TAFA1: variants seen among roughly 807,000 people sequenced by gnomAD.
TAFA1 encodes chemokine-like protein TAFA-1.
TAFA1 carries 4 observed loss-of-function variants against 18.5 expected under a neutral mutation model. The ratio of observed to expected loss-of-function variants is 0.22; its 90% CI spans 0.11 to 0.49. The LOEUF (loss-of-function observed/expected upper bound fraction) is 0.49. Among genes scored for constraint, TAFA1 ranks in the 20% least tolerant of loss-of-function variants. The probability of loss-of-function intolerance (pLI) is 0.98; values close to 1 mark genes in which losing one functional copy is unlikely to be tolerated. For missense variants in TAFA1, 147 were observed against 169.0 expected, an observed-to-expected ratio of 0.87 and a Z score of 0.72; for synonymous variants, 56 against 55.2, an observed-to-expected ratio of 1.01 and a Z score of -0.06.
At chr3:68,335,422 A>G (rs1367952349) in intron 2 of TAFA1, among the ~76,000 whole-genome samples, 2 of 151,692 alleles carry the variant, frequency 1.3e-5, no homozygotes, top group East Asian at 2.1e-4. Flanking sequence ...TGAGTTATCC[A>G]TACAGAGATC....
chr3:68,100,134 ATCCC>A, intron 2 of TAFA1, among the ~76,000 whole-genome samples: 1 of 152,062 alleles, frequency 6.6e-6, no homozygotes, highest in African/African-American at 2.4e-5. Context: ...TCCACGTACA[ATCCC>A]TGAATATAAA....
chr3:68,096,893 T>C (rs1199387219), intron 2 of TAFA1, among the ~76,000 whole-genome samples: 2 of 152,060 alleles, frequency 1.3e-5, no homozygotes, highest in East Asian at 3.9e-4. Flanking sequence ...TGGAAAGCAA[T>C]CAGATAGATT....
chr3:68,363,132 C>G (rs2069501380), intron 2 of TAFA1, among the ~76,000 whole-genome samples: 2 of 152,058 alleles, frequency 1.3e-5, no homozygotes, highest in South Asian at 4.1e-4. Flanking sequence ...TCCACTCAAT[C>G]CTTGGCTCAT....
At chr3:68,037,018 G>A (rs1282317235) in intron 2 of TAFA1, among the ~76,000 whole-genome samples, 2 of 152,142 alleles carry the variant, frequency 1.3e-5, no homozygotes, top group Non-Finnish European at 2.9e-5. Flanking sequence ...ACAAATACGT[G>A]ATTGTTAGCT....
intron 2 of TAFA1, among the ~76,000 whole-genome samples, chr3:68,360,540 T>C (rs1385857728): frequency 1.3e-5 from 2 of 151,946 alleles, no homozygotes; most frequent in East Asian, 1.9e-4. Context: ...TCGGTGGTTA[T>C]GTCATTTAGT....
intron 3 of TAFA1, among the ~76,000 whole-genome samples, chr3:68,532,872 G>C (rs1041134739): frequency 7.1e-6 from 1 of 140,388 alleles, no homozygotes; most frequent in African/African-American, 2.6e-5. Context: ...ATGTAGCTTT[G>C]TAAAGCAAAA....
chr3:68,529,387 C>T (rs1057490185), intron 3 of TAFA1, among the ~76,000 whole-genome samples: 4 of 143,256 alleles, frequency 2.8e-5, no homozygotes, highest in African/African-American at 1.0e-4. Context: ...CCTACCTACC[C>T]TTTAATCATA....
chr3:68,000,041 G>A (rs1429706130), upstream of TAFA1, among the ~76,000 whole-genome samples: 1 of 152,066 alleles, frequency 6.6e-6, no homozygotes, highest in Middle Eastern at 3.4e-3. Flanking sequence ...TGCCCGCCTC[G>A]GCCTCCCAAA....
At chr3:68,359,339 T>A (rs1559632560) in intron 2 of TAFA1, among the ~76,000 whole-genome samples, 1 of 152,004 alleles carries the variant, frequency 6.6e-6, no homozygotes, top group Non-Finnish European at 1.5e-5. Flanking sequence ...CCTATGAATA[T>A]GTTACCCTAC....
chr3:68,330,398 T>C (rs1575782017), intron 2 of TAFA1, among the ~76,000 whole-genome samples: 2 of 152,346 alleles, frequency 1.3e-5, no homozygotes, highest in South Asian at 4.1e-4. Context: ...GATTACTTAC[T>C]GTGTGGATTA....
At chr3:68,215,247 A>C (rs2066642746) in intron 2 of TAFA1, among the ~76,000 whole-genome samples, 1 of 152,076 alleles carries the variant, frequency 6.6e-6, no homozygotes, top group Non-Finnish European at 1.5e-5. Flanking sequence ...CTTCACACTA[A>C]GCAGTGTGGT....
In TAFA1 at chr3:68,220,864, G is replaced by T. The variant is rs529161049; in HGVS notation, c.119-196416G>T. ...TCTCTTTCAGCATCCCTCGGTGCAT[G>T]GTTCTCCCTATCAGACTCATCCTCA... is the stretch of plus-strand genomic sequence containing the variant. On this transcript the variant is annotated intron_variant, in intron 2 of 4. Transcript: ENST00000478136. 2.7e-5 allele frequency among the ~76,000 whole-genome samples: 4 copies of T among 150,826 alleles called. No individual in the cohort carries two copies. In the South Asian group the frequency reaches 8.4e-4, roughly 32 times the overall value.
intron 2 of TAFA1, among the ~76,000 whole-genome samples, chr3:68,369,954 T>C (rs946616654): frequency 2.0e-5 from 3 of 151,978 alleles, no homozygotes; most frequent in Non-Finnish European, 2.9e-5. Flanking sequence ...AATGCCGAAA[T>C]GTATATTTGT....
At chr3:68,268,406 T>C (rs988147268) in intron 2 of TAFA1, among the ~76,000 whole-genome samples, 9 of 152,032 alleles carry the variant, frequency 5.9e-5, no homozygotes, top group African/African-American at 2.2e-4. Context: ...CTCAACTCAT[T>C]GTGGGTGTGG....
At chr3:68,262,308 T>C (rs1329342046) in intron 2 of TAFA1, among the ~76,000 whole-genome samples, 2 of 1,968 alleles carry the variant, frequency 1.0e-3, no homozygotes, top group Admixed American at 4.8e-3. Flanking sequence ...ATATGGAGGG[T>C]ATATATATAT....
intron 2 of TAFA1, among the ~76,000 whole-genome samples, chr3:68,374,176 G>C (rs572975441): frequency 7.2e-5 from 11 of 152,266 alleles, no homozygotes; most frequent in Admixed American, 2.0e-4. Context: ...ATTAAATGCT[G>C]CTATTTAAGA....
chr3:68,153,757 A>G (rs2065834168), intron 2 of TAFA1, among the ~76,000 whole-genome samples: 1 of 152,148 alleles, frequency 6.6e-6, no homozygotes, highest in Admixed American at 6.5e-5. Flanking sequence ...ACCCTGTCAT[A>G]TGACTCCCCT....
intron 2 of TAFA1, among the ~76,000 whole-genome samples, chr3:68,256,890 G>T (rs1366204023): frequency 1.3e-5 from 2 of 151,928 alleles, no homozygotes; most frequent in Non-Finnish European, 2.9e-5. Flanking sequence ...GGACATCTTT[G>T]TGCCCCCTCC....
At chr3:68,225,997 A>G (rs1453975397) in intron 2 of TAFA1, among the ~76,000 whole-genome samples, 3 of 152,340 alleles carry the variant, frequency 2.0e-5, no homozygotes, top group South Asian at 4.1e-4. Context: ...TTAAAGAGTC[A>G]TATTTCACAA....
Sources: allele counts gnomAD v4.1 joint callset (sites outside exome capture counted in the v4.1 genomes callset), GRCh38; gene constraint gnomAD v4.1.1; transcripts MANE v1.5; gene names NCBI Gene and HGNC (gene_info 2026-07-23, HGNC 2026-07-21).